The following CUX1 variants were observed in gnomAD, a reference collection of about 807,000 sequenced individuals.
The protein encoded by CUX1 is protein CASP.
CUX1 carries 31 observed loss-of-function variants against 158.8 expected under a neutral mutation model. That is an observed-to-expected ratio of 0.20 (90% CI 0.15 to 0.26). The LOEUF (loss-of-function observed/expected upper bound fraction) is 0.26. CUX1 is among the 10% of genes least tolerant of loss of function. The pLI is 1.00. For missense variants in CUX1, 1,589 were observed against 2,014.6 expected (o/e 0.79, Z 4.04); for synonymous variants, 879 against 862.1 (o/e 1.02, Z -0.34).
intron 1 of CUX1, among the ~76,000 whole-genome samples, chr7:101,835,246 C>A (rs984765606): frequency 1.3e-5 from 2 of 152,136 alleles, no homozygotes; most frequent in Non-Finnish European, 2.9e-5. Flanking sequence ...TCATGGATTA[C>A]GTGACCTTCG....
intron 1 of CUX1, among the ~76,000 whole-genome samples, chr7:101,835,976 A>G (rs891506698): frequency 3.3e-5 from 5 of 152,136 alleles, no homozygotes; most frequent in African/African-American, 1.2e-4. Context: ...TGACCCACCC[A>G]CCTGGCCTCC....
At chr7:102,191,912 C>T (rs1364294944) in intron 12 of CUX1, among the ~76,000 whole-genome samples, 1 of 152,104 alleles carries the variant, frequency 6.6e-6, no homozygotes, top group Non-Finnish European at 1.5e-5. Context: ...CCACAGCCTG[C>T]CGGACCACAG....
intron 14 of CUX1, among the ~76,000 whole-genome samples, chr7:102,267,041 G>T (rs1394837304): frequency 6.6e-6 from 1 of 152,142 alleles, no homozygotes; most frequent in African/African-American, 2.4e-5. Context: ...ATTGCATAGG[G>T]GTGGGGGCCA....
chr7:102,001,644 C>T (rs1185307190), intron 2 of CUX1, among the ~76,000 whole-genome samples: 3 of 152,104 alleles, frequency 2.0e-5, no homozygotes, highest in Non-Finnish European at 2.9e-5. Context: ...GCGCCCGGCC[C>T]CGTTTGGTGT....
Position 102,202,157 on chromosome 7 carries a change from GA to G in CUX1, c.2864del (p.Lys955SerfsTer37). 1 of 1,612,844 alleles carries G rather than the reference GA, an allele frequency of 6.2e-7. No individual in the cohort carries two copies. The highest frequency in any genetic ancestry group is 8.5e-7 in the Non-Finnish European group (1 of 1,179,046). ...CATCGAGCTCACCCGGCAGGTTAAG[GA>G]AAAGCTGGCCAAGAACGGCATCTGC... is the stretch of plus-strand genomic sequence containing the variant. ...DTIELTRQVK[E>X]KLAKNGICQR... On this transcript the variant is annotated frameshift_variant, in exon 18 of 24. Coordinates refer to ENST00000292535, the MANE Select transcript of CUX1 (RefSeq NM_181552.4). LOFTEE classifies it high-confidence loss of function.
intron 2 of CUX1, among the ~76,000 whole-genome samples, chr7:101,949,124 G>GTCA (rs1352783028): frequency 3.9e-5 from 6 of 152,016 alleles, no homozygotes; most frequent in Non-Finnish European, 8.8e-5. Context: ...ACAAACATTG[G>GTCA]TCATTATTAT....
Position 102,256,969 on chromosome 7 carries a change from C to T in CUX1, c.*7927C>T. 1.0e-6 allele frequency: 1 copy of T among 985,460 alleles called. No homozygotes were observed. Among genetic ancestry groups the T allele is most frequent in the Non-Finnish European group, 1.2e-6 (1 of 829,950 alleles). 61.0% of individuals were successfully genotyped at this position (985,460 alleles called of 1,614,324 possible). A position where few individuals can be genotyped will look rare whatever the true frequency, so the allele number is the denominator to read the frequency against. ...TGGCTTGAGGGCTCACCTAGGAGAT[C>T]ATAGGCAGAGGGCCCCTTTCCCCTA... On this transcript the variant is annotated 3_prime_UTR_variant, in exon 24 of 24. Coordinates refer to ENST00000292535, the MANE Select transcript of CUX1 (RefSeq NM_181552.4).
intron 1 of CUX1, among the ~76,000 whole-genome samples, chr7:101,821,641 ATTTTC>A (rs958148716): frequency 1.7e-5 from 1 of 60,528 alleles, no homozygotes; most frequent in Admixed American, 1.5e-4. Flanking sequence ...CCCGGCCCCT[ATTTTC>A]TTTTCTTTTC....
At chr7:101,959,041 A>G (rs1443635337) in intron 2 of CUX1, among the ~76,000 whole-genome samples, 15 of 151,064 alleles carry the variant, frequency 9.9e-5, no homozygotes, top group Non-Finnish European at 4.4e-5. Context: ...TAAATTTTTT[A>G]TAGAGACACG....
At chr7:102,175,716 G>A (rs927105588) in intron 10 of CUX1, among the ~76,000 whole-genome samples, 1 of 152,106 alleles carries the variant, frequency 6.6e-6, no homozygotes, top group Admixed American at 6.6e-5. Context: ...ACGTGCCACT[G>A]TCCTGGTCCT....
chr7:101,931,906 T>G (rs1030416975), intron 2 of CUX1, among the ~76,000 whole-genome samples: 1 of 152,322 alleles, frequency 6.6e-6, no homozygotes, highest in East Asian at 1.9e-4. Context: ...TCTCATTAAA[T>G]TTGTAGATTT....
At chr7:102,090,688 CTTT>C (rs34834342) in intron 4 of CUX1, among the ~76,000 whole-genome samples, 2 of 136,500 alleles carry the variant, frequency 1.5e-5, no homozygotes, top group Admixed American at 1.5e-4. Flanking sequence ...CACCCCGCCT[CTTT>C]TTTTTTTTTT....
intron 8 of CUX1, among the ~76,000 whole-genome samples, chr7:102,132,961 G>A (rs139292227): frequency 0.034 from 5,106 of 151,932 alleles, 121 homozygotes; most frequent in Middle Eastern, 0.11. Flanking sequence ...GTGAGCCACC[G>A]CACCCGGCCT....
chr7:102,144,606 G>A (rs1480817062), intron 8 of CUX1, among the ~76,000 whole-genome samples: 1 of 150,564 alleles, frequency 6.6e-6, no homozygotes, highest in African/African-American at 2.5e-5. Flanking sequence ...GGGAGGTTGA[G>A]GCTGCAGTGA....
intron 2 of CUX1, among the ~76,000 whole-genome samples, chr7:101,918,505 C>T (rs1188140332): frequency 1.3e-5 from 2 of 152,230 alleles, no homozygotes; most frequent in African/African-American, 4.8e-5. Flanking sequence ...TCACCACCTG[C>T]TTGGCCCTGA....
intron 1 of CUX1, among the ~76,000 whole-genome samples, chr7:101,860,766 TTCCTTCCTTCCTTCCTTCCC>T (rs1464997458): frequency 2.1e-5 from 3 of 140,214 alleles, no homozygotes; most frequent in Non-Finnish European, 3.1e-5. Context: ...CCTTCCTTCC[TTCCTTCCTTCCTTCCTTCCC>T]TCCTTCCCCT....
intron 2 of CUX1, among the ~76,000 whole-genome samples, chr7:101,922,552 C>A (rs1805077035): frequency 6.6e-6 from 1 of 152,172 alleles, no homozygotes; most frequent in Non-Finnish European, 1.5e-5. Context: ...TTTAGAACAC[C>A]AGTTCTCTGG....
At chr7:101,908,471 T>TTTGA in intron 1 of CUX1, among the ~76,000 whole-genome samples, 1 of 151,894 alleles carries the variant, frequency 6.6e-6, no homozygotes, top group East Asian at 1.9e-4. Flanking sequence ...TGTTTGTTTG[T>TTTGA]TTGTTTGTTT....
chr7:101,820,218 A>T (rs1305578036), intron 1 of CUX1, among the ~76,000 whole-genome samples: 3 of 152,234 alleles, frequency 2.0e-5, no homozygotes, highest in Non-Finnish European at 2.9e-5. Context: ...CATTTGTTTC[A>T]GCTCCTCTGT....
Sources: allele counts gnomAD v4.1 joint callset (sites outside exome capture counted in the v4.1 genomes callset), GRCh38; gene constraint gnomAD v4.1.1; transcripts MANE v1.5; gene names NCBI Gene and HGNC (gene_info 2026-07-23, HGNC 2026-07-21).